The following TMPRSS9 variants were observed in gnomAD, a reference collection of about 807,000 sequenced individuals.
TMPRSS9 encodes the protein transmembrane serine protease 9.
A neutral mutation model predicts 111.4 loss-of-function variants in TMPRSS9; 113 were observed. That is an observed-to-expected ratio of 1.01 (90% confidence interval 0.87 to 1.19). The LOEUF (loss-of-function observed/expected upper bound fraction) is 1.19, where lower values mean the gene tolerates loss of function less well. Among genes scored for constraint, TMPRSS9 ranks in the 50% most tolerant of loss-of-function variants. TMPRSS9 has a pLI of 0.00. For synonymous variants in TMPRSS9, 805 were observed against 659.1 expected (o/e 1.22, Z -3.39); for missense variants, 1,803 against 1,513.1 (o/e 1.19, Z -3.18).
chr19:2,393,907 A>G (rs1414525353), intron 1 of TMPRSS9, among the ~76,000 whole-genome samples: 1 of 137,132 alleles, frequency 7.3e-6, no homozygotes, highest in Non-Finnish European at 1.6e-5. Context: ...CCAAAAAAAA[A>G]AAAAAAAAAA....
At chr19:2,377,140 C>T (rs1970341889) in intron 1 of TMPRSS9, among the ~76,000 whole-genome samples, 2 of 151,300 alleles carry the variant, frequency 1.3e-5, no homozygotes, top group South Asian at 4.2e-4. Flanking sequence ...CCCACAGTTG[C>T]TGTCCCTGGG....
At chr19:2,393,069 G>T (rs961730077) in intron 1 of TMPRSS9, among the ~76,000 whole-genome samples, 2 of 152,170 alleles carry the variant, frequency 1.3e-5, no homozygotes, top group Non-Finnish European at 2.9e-5. Context: ...GGACCAATCA[G>T]CGCTCTGTAA....
chr19:2,416,282 A>C (rs1971229059), intron 11 of TMPRSS9: 2 of 518,810 alleles, frequency 3.9e-6, no homozygotes, highest in Non-Finnish European at 6.8e-6. Flanking sequence ...GGGGGGGGGC[A>C]TTGGCACAGG....
At chr19:2,415,685 C>A in exon 11 of TMPRSS9, 2 of 1,601,248 alleles carry the variant, frequency 1.2e-6, no homozygotes, top group Non-Finnish European at 1.7e-6. Context: ...GGGGCCAGGC[C>A]TGCAATGGAG....
chr19:2,415,452 T>C (rs886632182), intron 10 of TMPRSS9, among the ~76,000 whole-genome samples: 2 of 150,312 alleles, frequency 1.3e-5, no homozygotes, highest in African/African-American at 4.8e-5. Context: ...TGTATGTTTC[T>C]TTCTTAACTT....
chr19:2,404,540 C>G (rs1011610236), intron 6 of TMPRSS9, among the ~76,000 whole-genome samples: 1 of 146,870 alleles, frequency 6.8e-6, no homozygotes, highest in African/African-American at 2.5e-5. Flanking sequence ...AAAACTCTGT[C>G]TCAAAAAAAA....
chr19:2,401,711 G>A (rs1970852035), intron 4 of TMPRSS9, among the ~76,000 whole-genome samples: 1 of 151,582 alleles, frequency 6.6e-6, no homozygotes. Flanking sequence ...GGGTTCAAGC[G>A]ATTGTCCTGC....
intron 15 of TMPRSS9, 23 bp from the exon 17 acceptor site, chr19:2,424,979 G>T: frequency 6.7e-7 from 1 of 1,487,244 alleles, no homozygotes; most frequent in Non-Finnish European, 8.9e-7. Flanking sequence ...TCGGGCCGAC[G>T]CCTGTCCTCG....
chr19:2,384,631 T>G (rs552404327), intron 1 of TMPRSS9, among the ~76,000 whole-genome samples: 1 of 151,570 alleles, frequency 6.6e-6, no homozygotes, highest in Non-Finnish European at 1.5e-5. Context: ...CTGGCTAACG[T>G]GGTGAAACCC....
Position 2,405,454 on chromosome 19 carries a change from C to T in TMPRSS9, c.751C>T (p.Gln251Ter). The change falls in exon 7 of 18, where the codon CAA becomes TAA. Residue 251 changes from glutamine to a stop codon, truncating the protein, a stop_gained. Transcript: ENST00000648592. LOFTEE classifies it high-confidence loss of function. ...AGCATCCCCGGGGGAGTTTCCGTGG[C>T]AAGCCAGCCTTCGAGAGAACAAGGA... is the stretch of plus-strand genomic sequence containing the variant. 1 of 1,607,718 alleles carries T rather than the reference C, an allele frequency of 6.2e-7. No individual in the cohort carries two copies. Among genetic ancestry groups the T allele is most frequent in the Non-Finnish European group, 8.5e-7 (1 of 1,178,084 alleles).
exon 7 of TMPRSS9, chr19:2,405,509 C>G (rs1039103468): frequency 6.3e-7 from 1 of 1,599,502 alleles, no homozygotes; most frequent in African/African-American, 1.4e-5. Context: ...ATCATCAACG[C>G]CAGGTGGCTG....
upstream of TMPRSS9, among the ~76,000 whole-genome samples, chr19:2,388,247 G>A (rs1970515526): frequency 6.6e-6 from 1 of 151,990 alleles, no homozygotes; most frequent in Admixed American, 6.6e-5. Flanking sequence ...TAATTAGCTG[G>A]GCATAGTGGC....
rs71178274 is a variant in TMPRSS9, at chr19:2,408,990, AAATAAT to A, written c.1117+397_1117+402del. On this transcript the variant is annotated intron_variant, in intron 8 of 17. Transcript: ENST00000648592. ...GGTGACAGTGGGAGGCTCCATCTCA[AAATAAT>A]AATAATAATAATAATAATAATAATA... Among the ~76,000 whole-genome samples the A allele has an allele frequency of 2.2e-3, 270 of 124,988 alleles. 1 individual carries two copies. Among genetic ancestry groups the A allele is most frequent in the Non-Finnish European group, 2.7e-3 (169 of 61,586 alleles). 82.0% of individuals were successfully genotyped at this position (124,988 alleles called of 152,430 possible).
At chr19:2,410,291 T>C in exon 9 of TMPRSS9, 1 of 1,614,032 alleles carries the variant, frequency 6.2e-7, no homozygotes, top group Non-Finnish European at 8.5e-7. Flanking sequence ...AAAGCCACTG[T>C]GGAGCTGCTG....
intron 2 of TMPRSS9, 33 bp from the exon 4 acceptor site, chr19:2,398,762 T>C: frequency 7.3e-7 from 1 of 1,377,062 alleles, no homozygotes; most frequent in Non-Finnish European, 9.6e-7. Flanking sequence ...ATGCTGTGGG[T>C]CTCAACATTT....
In TMPRSS9 at chr19:2,408,302, TC is replaced by T; in HGVS notation, c.843-49del. 3 of 1,578,040 alleles carry T rather than the reference TC, an allele frequency of 1.9e-6. 1 individual carries two copies. The highest frequency in any genetic ancestry group is 4.5e-5 in the East Asian group (2 of 44,296). ...ACCCAAGGCGAGTGTCCCGTCTGCCTCCCCCGACGGCTCTGACCCTCGGTGG... is the reference window on the plus strand; with the variant it reads ...ACCCAAGGCGAGTGTCCCGTCTGCCTCCCCGACGGCTCTGACCCTCGGTGG... On this transcript the variant is annotated intron_variant, in intron 7 of 17. Transcript: ENST00000648592.
At chr19:2,416,390 C>G in intron 11 of TMPRSS9, 148 bp from the exon 13 acceptor site, 4 of 1,066,104 alleles carry the variant, frequency 3.8e-6, no homozygotes, top group East Asian at 5.3e-5. Flanking sequence ...TTCCCTGGTC[C>G]TCCTCCCTGG....
intron 9 of TMPRSS9, among the ~76,000 whole-genome samples, chr19:2,412,476 G>T (rs1001707200): frequency 6.6e-6 from 1 of 152,074 alleles, no homozygotes; most frequent in Non-Finnish European, 1.5e-5. Context: ...ACTTTCTCTT[G>T]GCGAGGGACA....
intron 13 of TMPRSS9, 140 bp downstream of exon 14, chr19:2,418,278 T>G (rs1156755867): frequency 1.3e-6 from 1 of 775,100 alleles, no homozygotes; most frequent in East Asian, 4.6e-5. Flanking sequence ...CCTTCCCTCC[T>G]TTTCCTTTCC....
Sources: gnomAD v4.1 joint callset for allele counts (sites outside exome capture counted in the v4.1 genomes callset) on GRCh38, gnomAD v4.1.1 for gene constraint, MANE v1.5 for transcripts, NCBI Gene and HGNC (gene_info 2026-07-23, HGNC 2026-07-21) for gene names.